The following DLG2 variants were observed in gnomAD, a reference collection of about 807,000 sequenced individuals.
DLG2 encodes the protein disks large homolog 2.
A neutral mutation model predicts 132.5 loss-of-function variants in DLG2; 45 were observed. The observed-to-expected ratio is 0.34, with a 90% CI of 0.27 to 0.44. The LOEUF is 0.44. Among genes scored for constraint, DLG2 ranks in the 20% least tolerant of loss-of-function variants. The probability of loss-of-function intolerance (pLI) is 1.00; values close to 1 mark genes in which losing one functional copy is unlikely to be tolerated. For missense variants in DLG2, 1,045 were observed against 1,196.9 expected (o/e 0.87, Z 1.87); for synonymous variants, 424 against 419.6 (o/e 1.01, Z -0.13).
At chr11:84,596,194 C>G (rs1048408931) in intron 6 of DLG2, among the ~76,000 whole-genome samples, 2 of 148,284 alleles carry the variant, frequency 1.3e-5, no homozygotes, top group African/African-American at 5.1e-5. Flanking sequence ...TTCTCTGTCT[C>G]TCTCTCTCTC....
chr11:84,480,709 TTTTG>T (rs1279749852), intron 7 of DLG2, among the ~76,000 whole-genome samples: 4 of 151,760 alleles, frequency 2.6e-5, no homozygotes, highest in African/African-American at 4.8e-5. Context: ...AGTATTCGTT[TTTTG>T]TTTGTTTGTT....
intron 3 of DLG2, among the ~76,000 whole-genome samples, chr11:85,308,315 C>G (rs2080098326): frequency 6.6e-6 from 1 of 151,202 alleles, no homozygotes; most frequent in Non-Finnish European, 1.5e-5. Flanking sequence ...GCTAGTTATC[C>G]TATTTACCCC....
In DLG2 at chr11:83,636,449, T is replaced by C. The variant is rs560317056; in HGVS notation, c.1826-3124A>G. 2.0e-5 allele frequency among the ~76,000 whole-genome samples: 3 copies of C among 152,330 alleles called. No individual in the cohort carries two copies. In the East Asian group the frequency reaches 5.8e-4, roughly 29 times the overall value. ...CTGAAATTGTCCATTTTCATTTTTA[T>C]GTTTTTGCAATAAGAAAGATGAACA... On this transcript the variant is annotated intron_variant, in intron 18 of 27. Transcript: ENST00000376104.
chr11:85,596,506 C>T (rs936512562), intron 3 of DLG2, among the ~76,000 whole-genome samples: 56 of 152,026 alleles, frequency 3.7e-4, no homozygotes, highest in African/African-American at 1.4e-3. Flanking sequence ...TTTTATTATC[C>T]ATTTGTGTTT....
intron 6 of DLG2, among the ~76,000 whole-genome samples, chr11:84,809,432 A>G (rs978377389): frequency 1.4e-5 from 2 of 138,366 alleles, no homozygotes. Context: ...TCTTGCCATA[A>G]AGAAAAAAAA....
At chr11:84,984,392 A>T (rs1433160816) in intron 6 of DLG2, among the ~76,000 whole-genome samples, 1 of 152,216 alleles carries the variant, frequency 6.6e-6, no homozygotes, top group Non-Finnish European at 1.5e-5. Context: ...AGTTTCATAA[A>T]TGAAGGAAAC....
intron 10 of DLG2, among the ~76,000 whole-genome samples, chr11:84,084,311 A>C (rs2096943640): frequency 6.6e-6 from 1 of 152,138 alleles, no homozygotes; most frequent in Non-Finnish European, 1.5e-5. Context: ...AATTCTAAAA[A>C]GTTTATATTC....
intron 14 of DLG2, among the ~76,000 whole-genome samples, chr11:83,934,528 A>G (rs371359944): frequency 1.1e-4 from 17 of 151,840 alleles, no homozygotes; most frequent in African/African-American, 4.1e-4. Flanking sequence ...ATAATGTTTA[A>G]GACAGTGATA....
At chr11:83,724,085 C>T (rs941148586) in intron 18 of DLG2, among the ~76,000 whole-genome samples, 1 of 152,048 alleles carries the variant, frequency 6.6e-6, no homozygotes, top group Non-Finnish European at 1.5e-5. Flanking sequence ...ATAAGGTAAC[C>T]GTGCCCCCTG....
At position 84,054,406 on chromosome 11, in the gene DLG2, A is replaced by T. The variant is rs368713551; in HGVS notation, c.919+4909T>A. ...ATTTTTGGTTGCTTGGCAAGCCTAA[A>T]TGGATTTGCCTAATACTTTCTTCCT... On this transcript the variant is annotated intron_variant, in intron 11 of 27. Coordinates refer to ENST00000376104, the MANE Select transcript of DLG2 (RefSeq NM_001142699.3). 4.3e-3 allele frequency among the ~76,000 whole-genome samples: 650 copies of T among 152,138 alleles called. 3 individuals carry two copies. Among genetic ancestry groups the T allele is most frequent in the Middle Eastern group, 0.024 (7 of 292 alleles).
At chr11:84,803,844 C>T (rs1943524) in intron 6 of DLG2, among the ~76,000 whole-genome samples, 1 of 152,032 alleles carries the variant, frequency 6.6e-6, no homozygotes, top group East Asian at 1.9e-4. Context: ...TGAAATGTTG[C>T]TTTCTGACTT....
chr11:84,635,834 C>T (rs961990118), intron 6 of DLG2, among the ~76,000 whole-genome samples: 1 of 152,012 alleles, frequency 6.6e-6, no homozygotes, highest in African/African-American at 2.4e-5. Context: ...TTGAAGTCCA[C>T]CTCTAACATC....
rs951985729 is a variant in DLG2, at chr11:85,110,306, A to C, written c.357+1355T>G. Among the ~76,000 whole-genome samples the C allele has an allele frequency of 2.1e-4, 32 of 152,156 alleles. No homozygotes were observed. The South Asian group carries it at 6.4e-3, about 31-fold the overall frequency. On this transcript the variant is annotated intron_variant, in intron 6 of 27. Transcript: ENST00000376104. ...GTGGCATGCACCTGTAATCCCAGCTACTTGGGGAGGCTGAGGCACAAGAAT... is the reference window on the plus strand; with the variant it reads ...GTGGCATGCACCTGTAATCCCAGCTCCTTGGGGAGGCTGAGGCACAAGAAT...
chr11:83,677,843 G>C (rs550484219), intron 18 of DLG2, among the ~76,000 whole-genome samples: 4 of 152,170 alleles, frequency 2.6e-5, no homozygotes, highest in Non-Finnish European at 5.9e-5. Flanking sequence ...CTAAACAGAA[G>C]GGGCTGTAGT....
At chr11:84,212,231 A>C (rs1551335) in intron 8 of DLG2, among the ~76,000 whole-genome samples, 130,555 of 152,188 alleles carry the variant, frequency 0.86, 56,166 homozygotes, top group Middle Eastern at 0.95. Flanking sequence ...GATTAAACAT[A>C]ATTTACCAAT....
At chr11:83,479,411 T>C (rs1185359576) in intron 22 of DLG2, among the ~76,000 whole-genome samples, 1 of 152,098 alleles carries the variant, frequency 6.6e-6, no homozygotes, top group African/African-American at 2.4e-5. Context: ...TAGTTTTCAA[T>C]TAATACAATA....
At chr11:84,502,571 A>C (rs1391191200) in intron 7 of DLG2, among the ~76,000 whole-genome samples, 1 of 150,476 alleles carries the variant, frequency 6.6e-6, no homozygotes, top group East Asian at 2.0e-4. Flanking sequence ...AATTTTTTGT[A>C]TTTTTTAGTA....
intron 6 of DLG2, among the ~76,000 whole-genome samples, chr11:84,804,515 A>G (rs923216308): frequency 2.0e-5 from 3 of 152,150 alleles, no homozygotes; most frequent in African/African-American, 7.2e-5. Flanking sequence ...AAGCAGTTAA[A>G]ACAACTAGTG....
intron 3 of DLG2, among the ~76,000 whole-genome samples, chr11:85,494,249 T>C (rs1182852114): frequency 6.6e-6 from 1 of 152,240 alleles, no homozygotes; most frequent in African/African-American, 2.4e-5. Flanking sequence ...TTACTCTGCT[T>C]TAATTTCCTT....
Sources: gnomAD v4.1 joint callset for allele counts (sites outside exome capture counted in the v4.1 genomes callset) on GRCh38, gnomAD v4.1.1 for gene constraint, MANE v1.5 for transcripts, NCBI Gene and HGNC (gene_info 2026-07-23, HGNC 2026-07-21) for gene names.